Variants in FAM118B observed in about 807,000 individuals in gnomAD.
The protein encoded by FAM118B is protein FAM118B.
A neutral mutation model predicts 38.5 loss-of-function variants in FAM118B; 24 were observed. That is an observed-to-expected ratio of 0.62 (90% CI 0.45 to 0.88). The LOEUF is 0.88. Among genes scored for constraint, FAM118B ranks in the 40% least tolerant of loss-of-function variants. The pLI is 0.00. For missense variants in FAM118B, 334 were observed against 420.0 expected, an observed-to-expected ratio of 0.80 and a Z score of 1.79; for synonymous variants, 138 against 156.3, an observed-to-expected ratio of 0.88 and a Z score of 0.87.
At chr11:126,218,910 GTA>G (rs1248846123) in intron 1 of FAM118B, among the ~76,000 whole-genome samples, 1 of 152,126 alleles carries the variant, frequency 6.6e-6, no homozygotes, top group Non-Finnish European at 1.5e-5. Flanking sequence ...TCCTGCTGAT[GTA>G]TTTTACTCCA....
At chr11:126,254,267 C>A (rs745790261) in intron 5 of FAM118B, 38 bp from the exon 6 acceptor site, 1 of 1,603,388 alleles carries the variant, frequency 6.2e-7, no homozygotes, top group Non-Finnish European at 8.5e-7. Context: ...AGGTGCTCAG[C>A]CCTGCCAAGC....
chr11:126,224,381 G>A (rs1338666477), intron 1 of FAM118B, among the ~76,000 whole-genome samples: 2 of 149,992 alleles, frequency 1.3e-5, no homozygotes, highest in Non-Finnish European at 2.9e-5. Context: ...GGCTAAGATG[G>A]GAAGATTGCT....
intron 4 of FAM118B, among the ~76,000 whole-genome samples, chr11:126,248,016 C>T (rs940018140): frequency 2.6e-4 from 37 of 139,770 alleles, no homozygotes; most frequent in African/African-American, 9.3e-4. Context: ...CGTGGTGGCA[C>T]GCACCTGTAG....
At chr11:126,235,814 C>T (rs895742497) in intron 3 of FAM118B, among the ~76,000 whole-genome samples, 4 of 152,194 alleles carry the variant, frequency 2.6e-5, no homozygotes, top group African/African-American at 9.7e-5. Context: ...CCACTGTGCC[C>T]GGCCTGGTTC....
chr11:126,237,401 T>C (rs942584047), intron 3 of FAM118B, among the ~76,000 whole-genome samples: 1 of 143,346 alleles, frequency 7.0e-6, no homozygotes, highest in Non-Finnish European at 1.6e-5. Context: ...TTATTTTATT[T>C]ATTTATTTAT....
At chr11:126,259,846 G>T (rs557572300) in intron 7 of FAM118B, among the ~76,000 whole-genome samples, 1 of 151,598 alleles carries the variant, frequency 6.6e-6, no homozygotes, top group Non-Finnish European at 1.5e-5. Context: ...TCAGTCTCCC[G>T]AGTAGCTGGG....
chr11:126,241,088 A>C lies in FAM118B; in HGVS notation c.339+44A>C, dbSNP rs746652521. The C allele has an allele frequency of 1.4e-5, 21 of 1,511,804 alleles. No individual in the cohort carries two copies. In the East Asian group the frequency reaches 4.5e-4, roughly 33 times the overall value. 93.6% of individuals were successfully genotyped at this position (1,511,804 alleles called of 1,614,324 possible). ...GCCACAGTATTTGGAATTTCCTAAA[A>C]TTTAACTATCACAACTAGCATGATT... is the stretch of plus-strand genomic sequence containing the variant. On this transcript the variant is annotated intron_variant, in intron 4 of 8. Transcript: ENST00000533050.
intron 1 of FAM118B, among the ~76,000 whole-genome samples, chr11:126,219,962 G>A (rs1292144991): frequency 6.6e-6 from 1 of 151,880 alleles, no homozygotes; most frequent in Non-Finnish European, 1.5e-5. Context: ...TTATATGTAT[G>A]GAGATTTATG....
chr11:126,256,574 T>C lies in FAM118B; in HGVS notation c.704T>C (p.Ile235Thr). Residue 235 changes from isoleucine to threonine, a missense_variant, in exon 7 of 9, where the codon ATT (isoleucine) becomes ACT (threonine). By Grantham distance (89) the Ile-to-Thr change is moderately conservative. Around this residue, in one of 3 missense-constraint regions of FAM118B, gnomAD observed 240 missense variants for 295.9 expected, o/e 0.81. Transcript: ENST00000533050. This position sits in a 1 kb window ranked among gnomAD's most constrained non-coding sequence, Gnocchi z 6.6. ...TGTATCTTTTCCTTCCAGAGAGAAA[T>C]TCAGAAACTCTACGAAAACAAGTCA... Reference protein sequence around the residue: ...VLRNTEVMREIQKLYENKSFL... With the variant: ...VLRNTEVMRETQKLYENKSFL... 6.2e-7 allele frequency: 1 copy of C among 1,613,466 alleles called. No individual in the cohort carries two copies. The highest frequency in any genetic ancestry group is 8.5e-7 in the Non-Finnish European group (1 of 1,179,736).
chr11:126,226,947 G>A lies in FAM118B; in HGVS notation c.-76-2278G>A, dbSNP rs1398375794. 1.5e-4 allele frequency among the ~76,000 whole-genome samples: 9 copies of A among 58,776 alleles called. No individual in the cohort carries two copies. The East Asian group carries it at 4.9e-3, about 32-fold the overall frequency. The allele number at this position is 58,776 out of a possible 152,430, so 38.6% of individuals were successfully genotyped here. On this transcript the variant is annotated intron_variant, in intron 1 of 8. Transcript: ENST00000533050. ...CATGCCTGGGCAACAGTGAGACCCC[G>A]TCCAAAAAAAAAAAAAAACACCTAG...
intron 6 of FAM118B, 55 bp downstream of exon 6, chr11:126,254,488 A>C (rs1404830819): frequency 6.2e-7 from 1 of 1,604,370 alleles, no homozygotes; most frequent in Non-Finnish European, 8.5e-7. Context: ...AAATCTCTCT[A>C]AATATGCCAT....
rs1358895039 is a variant in FAM118B at position 126,262,614 on chromosome 11, A to C, written c.*481A>C. ...TCTTTTACAGTGTACAGTATTTTAC[A>C]TAACTAAGCTGTATTAAAAGCTTGT... On this transcript the variant is annotated 3_prime_UTR_variant, in exon 9 of 9. Coordinates refer to ENST00000533050, the MANE Select transcript of FAM118B (RefSeq NM_024556.4). 2 of 155,788 alleles carry C rather than the reference A, an allele frequency of 1.3e-5. No individual in the cohort carries two copies. The highest frequency in any genetic ancestry group is 4.8e-5 in the African/African-American group (2 of 41,590). The allele number at this position is 155,788 out of a possible 1,614,324, so 9.7% of individuals were successfully genotyped here. A position where few individuals can be genotyped will look rare whatever the true frequency, so the allele number is the denominator to read the frequency against.
At chr11:126,212,121 G>A (rs1444106767) in intron 1 of FAM118B, among the ~76,000 whole-genome samples, 3 of 152,296 alleles carry the variant, frequency 2.0e-5, no homozygotes, top group Admixed American at 2.0e-4. Flanking sequence ...GGACCCTCTT[G>A]ATCGGATGCC....
chr11:126,250,990 G>C lies in FAM118B; in HGVS notation c.567+257G>C, dbSNP rs192665508. On this transcript the variant is annotated intron_variant, in intron 5 of 8. Transcript: ENST00000533050. The surrounding 1 kb of genome is among the most constrained non-coding windows in gnomAD (Gnocchi z 5.1). ...CAGTTTTAAAGCAAGATTAGAGGAA[G>C]TCACTTGAACTGTAAGATCTCTTTA... Among the ~76,000 whole-genome samples the C allele has an allele frequency of 1.3e-5, 2 of 152,322 alleles. No individual in the cohort carries two copies. Among genetic ancestry groups the C allele is most frequent in the Admixed American group, 1.3e-4 (2 of 15,292 alleles).
At chr11:126,224,475 C>CAAA (rs58005174) in intron 1 of FAM118B, among the ~76,000 whole-genome samples, 10 of 93,242 alleles carry the variant, frequency 1.1e-4, no homozygotes, top group African/African-American at 1.5e-4. Flanking sequence ...GACCCTGTCT[C>CAAA]AAAAAAAAAA....
intron 3 of FAM118B, among the ~76,000 whole-genome samples, chr11:126,237,111 T>G (rs967648923): frequency 6.6e-6 from 1 of 151,000 alleles, no homozygotes; most frequent in East Asian, 1.9e-4. Context: ...AGAGACGGGA[T>G]TTCACTGTGT....
intron 7 of FAM118B, chr11:126,260,671 A>C (rs1950671642): frequency 6.6e-6 from 1 of 152,220 alleles, no homozygotes. Context: ...ACATTTCAGT[A>C]ATTTATAAAT....
At chr11:126,233,831 C>A in intron 2 of FAM118B, 2 of 422,368 alleles carry the variant, frequency 4.7e-6, no homozygotes, top group Non-Finnish European at 4.6e-6. Flanking sequence ...GCCTGTAATC[C>A]CAACATTTTG....
chr11:126,234,936 A>G (rs1407975608), intron 2 of FAM118B, 59 bp from the exon 3 acceptor site: 3 of 1,375,266 alleles, frequency 2.2e-6, no homozygotes, highest in Admixed American at 1.9e-5. Context: ...TATATGTGCT[A>G]TTTTGAATAG....
Sources: gnomAD v4.1 joint callset for allele counts (sites outside exome capture counted in the v4.1 genomes callset) on GRCh38, gnomAD v4.1.1 for gene constraint, gnomAD v4.1.1 regional missense constraint, Gnocchi (gnomAD v3.1) non-coding constraint, MANE v1.5 for transcripts, NCBI Gene and HGNC (gene_info 2026-07-23, HGNC 2026-07-21) for gene names.